The following CACNA2D3 variants were observed in gnomAD, a reference collection of about 807,000 sequenced individuals.
CACNA2D3 encodes the protein calcium voltage-gated channel auxiliary subunit alpha2delta 3.
CACNA2D3 carries 60 observed loss-of-function variants against 160.6 expected under a neutral mutation model. That is an observed-to-expected ratio of 0.37 (90% CI 0.30 to 0.46). The LOEUF is 0.46. Among genes scored for constraint, CACNA2D3 ranks in the 20% least tolerant of loss-of-function variants. CACNA2D3 has a pLI of 1.00. For synonymous variants in CACNA2D3, 558 were observed against 492.9 expected, an observed-to-expected ratio of 1.13 and a Z score of -1.75; for missense variants, 1,205 against 1,365.0, an observed-to-expected ratio of 0.88 and a Z score of 1.85.
intron 2 of CACNA2D3, among the ~76,000 whole-genome samples, chr3:54,308,039 T>C (rs142704525): frequency 1.6e-4 from 24 of 152,340 alleles, no homozygotes; most frequent in Non-Finnish European, 3.2e-4. Flanking sequence ...AAGTGCTTGG[T>C]TATGTTATTC....
chr3:54,897,745 G>C (rs1700225006), intron 26 of CACNA2D3, among the ~76,000 whole-genome samples: 1 of 152,176 alleles, frequency 6.6e-6, no homozygotes, highest in Non-Finnish European at 1.5e-5. Context: ...CCTAAGGCTT[G>C]GTGCTTTGTC....
intron 17 of CACNA2D3, among the ~76,000 whole-genome samples, chr3:54,862,100 A>G (rs921500911): frequency 6.6e-6 from 1 of 152,198 alleles, no homozygotes; most frequent in Non-Finnish European, 1.5e-5. Flanking sequence ...TAGTCGGAAC[A>G]TGGCTGGGGC....
In CACNA2D3 at chr3:54,729,600, C is replaced by T. The variant is rs568620816; in HGVS notation, c.1168-22999C>T. Among the ~76,000 whole-genome samples the T allele has an allele frequency of 2.4e-3, 358 of 152,274 alleles. 23 individuals are homozygous for T. The South Asian group carries it at 0.072, about 31-fold the overall frequency. ...ACAGAAATGCCAGCTTTCCTCCATT[C>T]GAGTGTTATCAATAAGAGTATTGCT... On this transcript the variant is annotated intron_variant, in intron 11 of 37. Coordinates refer to ENST00000474759, the MANE Select transcript of CACNA2D3 (RefSeq NM_018398.3).
chr3:54,265,962 A>G (rs985251607), intron 2 of CACNA2D3, among the ~76,000 whole-genome samples: 2 of 152,160 alleles, frequency 1.3e-5, no homozygotes, highest in Non-Finnish European at 2.9e-5. Flanking sequence ...AAAGTGCTCA[A>G]AAGCCTTCTT....
chr3:54,202,172 G>A (rs529993681), intron 2 of CACNA2D3, among the ~76,000 whole-genome samples: 67 of 152,302 alleles, frequency 4.4e-4, no homozygotes, highest in African/African-American at 1.5e-3. Flanking sequence ...CGTGCAGAAC[G>A]GGAAGGGAAG....
At chr3:54,408,865 A>C (rs544815789) in intron 4 of CACNA2D3, among the ~76,000 whole-genome samples, 1 of 152,308 alleles carries the variant, frequency 6.6e-6, no homozygotes, top group African/African-American at 2.4e-5. Flanking sequence ...AACTAAGTCC[A>C]GTTGTAGGTT....
At chr3:54,626,511 G>C (rs769613301) in intron 9 of CACNA2D3, 13 of 1,608,394 alleles carry the variant, frequency 8.1e-6, no homozygotes, top group Non-Finnish European at 1.1e-5. Context: ...ACAACGGCAA[G>C]ACCTTCAACC....
chr3:54,139,430 G>T (rs575748363), intron 2 of CACNA2D3, among the ~76,000 whole-genome samples: 3 of 152,250 alleles, frequency 2.0e-5, no homozygotes, highest in Non-Finnish European at 4.4e-5. Context: ...GACTAAAGTC[G>T]CATTCATGTC....
At chr3:54,525,294 A>G (rs1392581496) in intron 5 of CACNA2D3, among the ~76,000 whole-genome samples, 1 of 152,144 alleles carries the variant, frequency 6.6e-6, no homozygotes, top group Non-Finnish European at 1.5e-5. Flanking sequence ...TCTATATGTT[A>G]TAGACCCAAC....
intron 3 of CACNA2D3, among the ~76,000 whole-genome samples, chr3:54,358,479 A>C (rs1002687256): frequency 3.3e-5 from 5 of 152,244 alleles, no homozygotes; most frequent in Non-Finnish European, 7.3e-5. Context: ...CGACGTCTCC[A>C]TGCCCAGGTT....
At chr3:54,443,750 C>G (rs1272192891) in intron 4 of CACNA2D3, among the ~76,000 whole-genome samples, 1 of 152,118 alleles carries the variant, frequency 6.6e-6, no homozygotes, top group Non-Finnish European at 1.5e-5. Context: ...CATGTCTTGT[C>G]TTGAATGCAG....
Position 54,907,667 on chromosome 3 carries a change from A to G in CACNA2D3, c.2449+7799A>G, listed in dbSNP as rs2106903151. ...CATATCAGAAGATTATATTAATAATATCTTGATATGTTTTGTATTAAAACT... is the reference window on the plus strand; with the variant it reads ...CATATCAGAAGATTATATTAATAATGTCTTGATATGTTTTGTATTAAAACT... On this transcript the variant is annotated intron_variant, in intron 27 of 37. Coordinates refer to ENST00000474759, the MANE Select transcript of CACNA2D3 (RefSeq NM_018398.3). Among the ~76,000 whole-genome samples, 2 of 152,314 alleles carry G rather than the reference A, an allele frequency of 1.3e-5. 1 individual carries two copies. The highest frequency in any genetic ancestry group is 4.1e-4 in the South Asian group (2 of 4,830).
chr3:54,820,536 G>A (rs1279613751), intron 14 of CACNA2D3, among the ~76,000 whole-genome samples: 1 of 152,172 alleles, frequency 6.6e-6, no homozygotes, highest in African/African-American at 2.4e-5. Context: ...GGCACTAACT[G>A]GTGATGAACC....
At chr3:54,925,068 G>A (rs1298222932) in intron 27 of CACNA2D3, 2 of 1,614,154 alleles carry the variant, frequency 1.2e-6, no homozygotes, top group Non-Finnish European at 1.7e-6. Context: ...CAGCGTTCGA[G>A]TCTGAGGAGG....
At chr3:54,713,101 T>C (rs1320623168) in intron 11 of CACNA2D3, among the ~76,000 whole-genome samples, 1 of 152,174 alleles carries the variant, frequency 6.6e-6, no homozygotes, top group East Asian at 1.9e-4. Context: ...CATAAGCAAA[T>C]GTTCAGTAAT....
chr3:54,524,365 A>G lies in CACNA2D3; in HGVS notation c.544+20711A>G, dbSNP rs1048516044. ...TTATTGCATTGTGGTCAGAACATACACTTTTGATTATTTCCACCCTTTAAA... is the reference window on the plus strand; with the variant it reads ...TTATTGCATTGTGGTCAGAACATACGCTTTTGATTATTTCCACCCTTTAAA... On this transcript the variant is annotated intron_variant, in intron 5 of 37. Coordinates refer to ENST00000474759, the MANE Select transcript of CACNA2D3 (RefSeq NM_018398.3). Among the ~76,000 whole-genome samples, 5 of 152,200 alleles carry G rather than the reference A, an allele frequency of 3.3e-5. No homozygotes were observed. In the South Asian group the frequency reaches 1.0e-3, roughly 32 times the overall value.
At chr3:54,962,046 TGA>T (rs1333966472) in intron 27 of CACNA2D3, among the ~76,000 whole-genome samples, 1 of 125,528 alleles carries the variant, frequency 8.0e-6, no homozygotes, top group East Asian at 2.7e-4. Flanking sequence ...CCCACTCTCA[TGA>T]TAACTCATTA....
intron 13 of CACNA2D3, among the ~76,000 whole-genome samples, chr3:54,781,913 C>T (rs893875556): frequency 3.3e-5 from 5 of 152,182 alleles, no homozygotes; most frequent in Non-Finnish European, 5.9e-5. Context: ...GAGTCAGCAG[C>T]TGAAGGCAAG....
At chr3:55,029,622 T>A (rs1441126268) in intron 35 of CACNA2D3, among the ~76,000 whole-genome samples, 3 of 152,114 alleles carry the variant, frequency 2.0e-5, no homozygotes, top group Admixed American at 6.5e-5. Flanking sequence ...CTCTTGGATT[T>A]TTGCCACTTC....
Sources: allele counts gnomAD v4.1 joint callset (sites outside exome capture counted in the v4.1 genomes callset), GRCh38; gene constraint gnomAD v4.1.1; transcripts MANE v1.5; gene names NCBI Gene and HGNC (gene_info 2026-07-23, HGNC 2026-07-21).